CHSY3: variants seen among roughly 807,000 people sequenced by gnomAD.
CHSY3 encodes the protein N-acetylgalactosaminyl-proteoglycan 3-beta-glucuronosyltransferase 3.
In CHSY3, 35 loss-of-function variants were observed where a neutral mutation model predicts 67.2. The ratio of observed to expected loss-of-function variants is 0.52; its 90% CI spans 0.40 to 0.69. The LOEUF (loss-of-function observed/expected upper bound fraction) is 0.69, where lower values mean the gene tolerates loss of function less well. Ranked by LOEUF, CHSY3 falls within the 30% of genes least tolerant of loss-of-function variation. CHSY3 has a pLI of 0.00. For missense variants in CHSY3, 1,069 were observed against 1,138.5 expected, an observed-to-expected ratio of 0.94 and a Z score of 0.88; for synonymous variants, 474 against 434.7, an observed-to-expected ratio of 1.09 and a Z score of -1.12.
chr5:130,106,542 T>C (rs1252818648), intron 2 of CHSY3, among the ~76,000 whole-genome samples: 1 of 151,570 alleles, frequency 6.6e-6, no homozygotes, highest in East Asian at 1.9e-4. Context: ...CATAAAGAAA[T>C]AAATATGTTT....
chr5:129,953,489 A>G (rs769619856), intron 2 of CHSY3, among the ~76,000 whole-genome samples: 3 of 152,188 alleles, frequency 2.0e-5, no homozygotes, highest in Non-Finnish European at 4.4e-5. Flanking sequence ...CTTTGGGTAT[A>G]TACCCAAAAA....
At chr5:129,947,299 G>T (rs1761885037) in intron 2 of CHSY3, among the ~76,000 whole-genome samples, 2 of 151,996 alleles carry the variant, frequency 1.3e-5, no homozygotes, top group African/African-American at 4.8e-5. Context: ...TCCCTCCCAC[G>T]ACATATGGGG....
At chr5:130,105,628 A>G (rs1767390343) in intron 2 of CHSY3, among the ~76,000 whole-genome samples, 1 of 151,714 alleles carries the variant, frequency 6.6e-6, no homozygotes, top group Non-Finnish European at 1.5e-5. Flanking sequence ...TACTAACTAG[A>G]TATTGTAAAA....
chr5:130,174,296 G>A (rs138774287), intron 2 of CHSY3, among the ~76,000 whole-genome samples: 230 of 148,762 alleles, frequency 1.5e-3, no homozygotes, highest in African/African-American at 4.9e-3. Context: ...ATCCTTTCTC[G>A]TTAAAAAAAA....
intron 2 of CHSY3, among the ~76,000 whole-genome samples, chr5:130,107,192 C>G (rs1216085438): frequency 6.6e-6 from 1 of 151,152 alleles, no homozygotes; most frequent in Non-Finnish European, 1.5e-5. Context: ...ATTATTTGAT[C>G]AGAGCCTTCA....
At chr5:130,072,682 C>G (rs1418389344) in intron 2 of CHSY3, among the ~76,000 whole-genome samples, 1 of 151,918 alleles carries the variant, frequency 6.6e-6, no homozygotes, top group Non-Finnish European at 1.5e-5. Flanking sequence ...GGATTTTTTC[C>G]TATTTATATG....
At chr5:130,087,013 T>C (rs1766659602) in intron 2 of CHSY3, among the ~76,000 whole-genome samples, 1 of 152,104 alleles carries the variant, frequency 6.6e-6, no homozygotes, top group Non-Finnish European at 1.5e-5. Context: ...AAAAAGCTTA[T>C]CCACCATGAT....
chr5:130,145,040 C>A (rs539877071), intron 2 of CHSY3, among the ~76,000 whole-genome samples: 1 of 152,082 alleles, frequency 6.6e-6, no homozygotes, highest in African/African-American at 2.4e-5. Flanking sequence ...ATTTAAACAA[C>A]CAGATCTTAT....
intron 2 of CHSY3, among the ~76,000 whole-genome samples, chr5:129,997,147 T>C (rs1207704825): frequency 6.6e-6 from 1 of 152,088 alleles, no homozygotes; most frequent in Non-Finnish European, 1.5e-5. Context: ...CTCTAGCTCT[T>C]CTGTTTCATT....
intron 2 of CHSY3, among the ~76,000 whole-genome samples, chr5:129,913,241 G>T (rs549661366): frequency 1.3e-5 from 2 of 151,992 alleles, no homozygotes; most frequent in African/African-American, 4.8e-5. Flanking sequence ...CTTCTTTCAC[G>T]TTTATTTTCC....
At chr5:130,042,920 A>C (rs1410001296) in intron 2 of CHSY3, among the ~76,000 whole-genome samples, 1 of 152,154 alleles carries the variant, frequency 6.6e-6, no homozygotes, top group Non-Finnish European at 1.5e-5. Context: ...TAGGGTCATG[A>C]TAATAACTCA....
rs531396759 is a variant in CHSY3, at chr5:129,947,007, C to T, written c.1086+38647C>T. ...TTATGAGGAACCTCCTATATTAGTC[C>T]GTTCTCACACTGCTAATAAAGACAT... On this transcript the variant is annotated intron_variant, in intron 2 of 2. Coordinates refer to ENST00000305031, the MANE Select transcript of CHSY3 (RefSeq NM_175856.5). 7.4e-4 allele frequency among the ~76,000 whole-genome samples: 113 copies of T among 152,198 alleles called. 1 individual carries two copies. The South Asian group carries it at 0.02, about 26-fold the overall frequency.
intron 2 of CHSY3, among the ~76,000 whole-genome samples, chr5:129,959,460 G>T (rs1482486059): frequency 6.6e-6 from 1 of 152,056 alleles, no homozygotes; most frequent in Non-Finnish European, 1.5e-5. Context: ...TGAAAACAAG[G>T]ACTCTCTTCT....
chr5:129,984,049 G>T (rs1000608261), intron 2 of CHSY3, among the ~76,000 whole-genome samples: 3 of 152,038 alleles, frequency 2.0e-5, no homozygotes. Flanking sequence ...CAACTTTTAG[G>T]TTCAAGAGGT....
intron 2 of CHSY3, among the ~76,000 whole-genome samples, chr5:130,016,633 C>T (rs1272628857): frequency 6.6e-6 from 1 of 152,220 alleles, no homozygotes; most frequent in Non-Finnish European, 1.5e-5. Context: ...TGGTCTCGAA[C>T]TCCTGACCTC....
At chr5:129,932,298 C>T (rs371469954) in intron 2 of CHSY3, among the ~76,000 whole-genome samples, 13 of 151,482 alleles carry the variant, frequency 8.6e-5, no homozygotes, top group Non-Finnish European at 1.2e-4. Context: ...TCAAGTATAA[C>T]GGCAGTCTGG....
At chr5:129,938,164 G>C (rs954642546) in intron 2 of CHSY3, among the ~76,000 whole-genome samples, 15 of 152,320 alleles carry the variant, frequency 9.8e-5, no homozygotes, top group Admixed American at 6.5e-4. Flanking sequence ...AGCCCAAGCT[G>C]TACGTTGGTC....
intron 2 of CHSY3, among the ~76,000 whole-genome samples, chr5:129,953,830 G>GT (rs760227327): frequency 2.0e-5 from 3 of 151,930 alleles, no homozygotes; most frequent in Non-Finnish European, 4.4e-5. Context: ...GGGGTTGTTT[G>GT]TTTTTTTCTT....
Position 130,071,068 on chromosome 5 carries a change from G to T in CHSY3, c.1087-113161G>T, listed in dbSNP as rs144860142. On this transcript the variant is annotated intron_variant, in intron 2 of 2. Transcript: ENST00000305031. The stretch of plus-strand genomic sequence containing the variant: ...GAGACGGATAGTAATAGATAGAGAT[G>T]TTTTTTCGAGATTATATCAGTTTAG... 1.8e-3 allele frequency among the ~76,000 whole-genome samples: 280 copies of T among 152,004 alleles called. 7 individuals are homozygous for T. The East Asian group carries it at 0.052, about 28-fold the overall frequency.
Sources: gnomAD v4.1 joint callset for allele counts (sites outside exome capture counted in the v4.1 genomes callset) on GRCh38, gnomAD v4.1.1 for gene constraint, MANE v1.5 for transcripts, NCBI Gene and HGNC (gene_info 2026-07-23, HGNC 2026-07-21) for gene names.